Variants in NEK1 observed in about 807,000 individuals in gnomAD.
The protein encoded by NEK1 is serine/threonine-protein kinase Nek1.
NEK1 carries 137 observed loss-of-function variants against 182.1 expected under a neutral mutation model. That is an observed-to-expected ratio of 0.75 (90% CI 0.65 to 0.87). NEK1 has a LOEUF of 0.87. Among genes scored for constraint, NEK1 ranks in the 40% least tolerant of loss-of-function variants. The pLI, the probability that NEK1 is intolerant of heterozygous loss-of-function variation, is 0.00. For synonymous variants in NEK1, 513 were observed against 492.2 expected (o/e 1.04, Z -0.56); for missense variants, 1,391 against 1,494.4 (o/e 0.93, Z 1.14).
chr4:169,456,835 A>G (rs1462080255), intron 27 of NEK1, among the ~76,000 whole-genome samples: 1 of 152,232 alleles, frequency 6.6e-6, no homozygotes, highest in Non-Finnish European at 1.5e-5. Flanking sequence ...TTGAATGGAT[A>G]AAGAAAATGT....
At chr4:169,567,259 TTTC>T (rs1487293727) in intron 12 of NEK1, among the ~76,000 whole-genome samples, 1 of 152,216 alleles carries the variant, frequency 6.6e-6, no homozygotes, top group African/African-American at 2.4e-5. Context: ...CTACTTACTT[TTTC>T]TTTTCTTCAA....
chr4:169,397,730 C>T (rs529462145), intron 35 of NEK1, among the ~76,000 whole-genome samples: 1 of 152,248 alleles, frequency 6.6e-6, no homozygotes, highest in South Asian at 2.1e-4. Flanking sequence ...GGGGAAATGG[C>T]CTTCTGTGTA....
intron 26 of NEK1, among the ~76,000 whole-genome samples, chr4:169,472,935 A>T (rs1378391202): frequency 6.6e-6 from 1 of 152,160 alleles, no homozygotes; most frequent in African/African-American, 2.4e-5. Flanking sequence ...AGTTCTTTAA[A>T]AATAATAAAT....
chr4:169,592,336 G>T (rs1334485719), intron 5 of NEK1, among the ~76,000 whole-genome samples: 2 of 152,040 alleles, frequency 1.3e-5, no homozygotes, highest in Non-Finnish European at 2.9e-5. Context: ...TCATCAAGGG[G>T]CCTGATTAAA....
intron 11 of NEK1, 23 bp downstream of exon 11, chr4:169,580,819 G>C: frequency 7.1e-7 from 1 of 1,413,100 alleles, no homozygotes; most frequent in South Asian, 1.2e-5. Flanking sequence ...CAGATGAAAG[G>C]CTTCATATCA....
chr4:169,571,895 A>AC (rs1764920475), intron 12 of NEK1, among the ~76,000 whole-genome samples: 1 of 137,206 alleles, frequency 7.3e-6, no homozygotes, highest in Non-Finnish European at 1.5e-5. Flanking sequence ...TGCCCAGCTA[A>AC]TTTTTTTTTT....
Position 169,507,740 on chromosome 4 carries a change from C to T in NEK1, c.1886G>A (p.Arg629Lys). The change falls in exon 22 of 36, where the codon AGG becomes AAG. Residue 629 changes from arginine to lysine, a missense_variant. Physicochemically the swap from Arg to Lys is conservative, Grantham distance 26. Transcript: ENST00000507142. ...CTTCAGTGATTCGATTTTTTTGCGC[C>T]TCATGTCAGCCTCTTCACTTCCTTC... Reference protein sequence around the residue: ...GQEGSEEADMRRKKIESLKAH... With the variant: ...GQEGSEEADMKRKKIESLKAH... 6.2e-7 allele frequency: 1 copy of T among 1,612,714 alleles called. No homozygotes were observed.
intron 27 of NEK1, among the ~76,000 whole-genome samples, chr4:169,444,648 T>C (rs1740154439): frequency 6.6e-6 from 1 of 152,124 alleles, no homozygotes; most frequent in African/African-American, 2.4e-5. Context: ...TCCAATATAA[T>C]AAGAGTTGTG....
At chr4:169,483,587 C>A (rs998465349) in intron 23 of NEK1, among the ~76,000 whole-genome samples, 6 of 152,112 alleles carry the variant, frequency 3.9e-5, no homozygotes, top group Non-Finnish European at 5.9e-5. Flanking sequence ...TACAAATAGG[C>A]CGGGCGCAGT....
intron 26 of NEK1, among the ~76,000 whole-genome samples, chr4:169,464,547 C>A (rs1561234908): frequency 6.6e-6 from 1 of 152,030 alleles, no homozygotes; most frequent in Non-Finnish European, 1.5e-5. Context: ...GGGGGTGTCA[C>A]ACTGGTACTC....
intron 26 of NEK1, among the ~76,000 whole-genome samples, chr4:169,472,833 A>G (rs1746260985): frequency 6.6e-6 from 1 of 152,256 alleles, no homozygotes; most frequent in Non-Finnish European, 1.5e-5. Context: ...CAGTACAAAT[A>G]AGACAAGCTT....
rs577086026 is a variant in NEK1, at chr4:169,570,583, G to T, written c.1020+6345C>A. ...GGGTCAGCCCCCCGCCCGGCCAGCC[G>T]CCCCGTCCAGGAGGTGAGGGGTGCC... On this transcript the variant is annotated intron_variant, in intron 12 of 35. Coordinates refer to ENST00000507142, the MANE Select transcript of NEK1 (RefSeq NM_001199397.3). 3.6e-4 allele frequency among the ~76,000 whole-genome samples: 53 copies of T among 148,868 alleles called. 1 individual carries two copies. In the South Asian group the frequency reaches 8.3e-3, roughly 23 times the overall value.
At chr4:169,460,172 G>A (rs78496084) in intron 27 of NEK1, among the ~76,000 whole-genome samples, 11,096 of 152,016 alleles carry the variant, frequency 0.073, 1,333 homozygotes, top group African/African-American at 0.25. Context: ...TTTGCTACGT[G>A]TATTAGTCCG....
At chr4:169,578,706 ATATC>A (rs1430662909) in intron 11 of NEK1, among the ~76,000 whole-genome samples, 3 of 152,208 alleles carry the variant, frequency 2.0e-5, no homozygotes, top group African/African-American at 7.2e-5. Context: ...TTTATAATAA[ATATC>A]TATTTTGCAT....
At chr4:169,588,877 T>C in intron 7 of NEK1, 142 bp from the exon 8 acceptor site, 4 of 629,216 alleles carry the variant, frequency 6.4e-6, no homozygotes, top group Non-Finnish European at 2.9e-6. Flanking sequence ...TATCACCTAG[T>C]GACACGGTGA....
chr4:169,509,875 A>G (rs2149701983), intron 19 of NEK1, among the ~76,000 whole-genome samples: 1 of 152,280 alleles, frequency 6.6e-6, no homozygotes, highest in East Asian at 1.9e-4. Context: ...TATAATACAT[A>G]CATGTTTATT....
chr4:169,394,377 T>G lies in NEK1; in HGVS notation c.*133A>C. On this transcript the variant is annotated 3_prime_UTR_variant, in exon 36 of 36. Transcript: ENST00000507142. ...ATGGCATGTTTCTCCATCTTTTTCATGCAATAAGAAAGTCCATCTTAAATC... is the reference window on the plus strand; with the variant it reads ...ATGGCATGTTTCTCCATCTTTTTCAGGCAATAAGAAAGTCCATCTTAAATC... The G allele has an allele frequency of 1.7e-6, 1 of 574,172 alleles. No individual in the cohort carries two copies. The allele number at this position is 574,172 out of a possible 1,614,324, so 35.6% of individuals were successfully genotyped here.
chr4:169,584,328 T>A (rs1353324996), intron 10 of NEK1, among the ~76,000 whole-genome samples: 1 of 152,132 alleles, frequency 6.6e-6, no homozygotes, highest in Non-Finnish European at 1.5e-5. Flanking sequence ...AACACATTTA[T>A]AGGCCAGGCG....
At chr4:169,423,456 C>A (rs1312294939) in intron 31 of NEK1, among the ~76,000 whole-genome samples, 1 of 152,060 alleles carries the variant, frequency 6.6e-6, no homozygotes, top group Admixed American at 6.5e-5. Flanking sequence ...GCAGTTGATT[C>A]TTTTACAGGC....
Sources: gnomAD v4.1 joint callset for allele counts (sites outside exome capture counted in the v4.1 genomes callset) on GRCh38, gnomAD v4.1.1 for gene constraint, MANE v1.5 for transcripts, NCBI Gene and HGNC (gene_info 2026-07-23, HGNC 2026-07-21) for gene names.